NHSL1: variants seen among roughly 807,000 people sequenced by gnomAD.
NHSL1 encodes the protein NHS like 1.
In NHSL1, 48 loss-of-function variants were observed where a neutral mutation model predicts 95.0. That is an observed-to-expected ratio of 0.51 (90% CI 0.40 to 0.64). The LOEUF (loss-of-function observed/expected upper bound fraction) is 0.64. NHSL1 is among the 30% of genes least tolerant of loss of function. The pLI is 0.00. For missense variants in NHSL1, 1,971 were observed against 2,077.7 expected, an observed-to-expected ratio of 0.95 and a Z score of 1.00; for synonymous variants, 783 against 833.9, an observed-to-expected ratio of 0.94 and a Z score of 1.05.
At position 138,611,543 on chromosome 6, in the gene NHSL1, G is replaced by A. The variant is rs370307000; in HGVS notation, c.96+80933C>T. On this transcript the variant is annotated intron_variant, in intron 1 of 3. Transcript: ENST00000491526. Reference sequence around the variant, plus strand: ...AGGTGGATCACGAGGTCAGGAGATCGAGACCATCCTGGCTAACACAGTGAA... The same window carrying A: ...AGGTGGATCACGAGGTCAGGAGATCAAGACCATCCTGGCTAACACAGTGAA... 3.3e-5 allele frequency among the ~76,000 whole-genome samples: 5 copies of A among 151,626 alleles called. No homozygotes were observed. In the East Asian group the frequency reaches 5.9e-4, roughly 18 times the overall value.
intron 2 of NHSL1, among the ~76,000 whole-genome samples, chr6:138,484,328 CA>C (rs1779598670): frequency 6.6e-6 from 1 of 152,004 alleles, no homozygotes; most frequent in Non-Finnish European, 1.5e-5. Context: ...TTGAAATGGA[CA>C]GGTTTCTTTG....
chr6:138,648,691 C>T (rs1274513099), intron 1 of NHSL1, among the ~76,000 whole-genome samples: 1 of 152,196 alleles, frequency 6.6e-6, no homozygotes, highest in African/African-American at 2.4e-5. Context: ...AAAGAAGGGC[C>T]TACCCAATGG....
In NHSL1 at chr6:138,432,032, G is replaced by A. The variant is rs750503991; in HGVS notation, c.2313C>T (p.Ser771=). The A allele has an allele frequency of 2.3e-5, 35 of 1,551,586 alleles. 1 individual carries two copies. In the South Asian group the frequency reaches 3.1e-4, roughly 14 times the overall value. Residue 771 remains serine, a synonymous_variant, in exon 6 of 8, where the codon AGC becomes AGT. Coordinates refer to ENST00000343505, the MANE Select transcript of NHSL1 (RefSeq NM_001144060.2). The surrounding 1 kb of genome is among the most constrained non-coding windows in gnomAD (Gnocchi z 4.4). Reference sequence around the variant, plus strand: ...AGGGGTCCGTGTACTCTGACTTGACGCTGCTTGTGTCACTCTGCGATGGCG... The same window carrying A: ...AGGGGTCCGTGTACTCTGACTTGACACTGCTTGTGTCACTCTGCGATGGCG... ...GATPSQSDTS[S]VKSEYTDPWG...
intron 3 of NHSL1, among the ~76,000 whole-genome samples, chr6:138,454,740 T>C (rs1257339029): frequency 1.3e-5 from 2 of 152,282 alleles, no homozygotes; most frequent in African/African-American, 4.8e-5. Flanking sequence ...AAAAACTATG[T>C]GATCTTAGGC....
At chr6:138,490,281 C>T (rs1473450810) in intron 2 of NHSL1, among the ~76,000 whole-genome samples, 2 of 152,068 alleles carry the variant, frequency 1.3e-5, no homozygotes, top group East Asian at 3.9e-4. Flanking sequence ...GGAGAGCTCT[C>T]AATCAATGTC....
intron 1 of NHSL1, among the ~76,000 whole-genome samples, chr6:138,664,510 T>C (rs1785270254): frequency 6.6e-6 from 1 of 152,212 alleles, no homozygotes; most frequent in Non-Finnish European, 1.5e-5. Context: ...AGAGAGGAAT[T>C]GTCTGTCAAA....
At chr6:138,601,878 T>A (rs1583443389) in intron 1 of NHSL1, among the ~76,000 whole-genome samples, 2 of 152,172 alleles carry the variant, frequency 1.3e-5, no homozygotes, top group South Asian at 4.1e-4. Context: ...ATTTATTTAA[T>A]AACAAAAACA....
intron 1 of NHSL1, among the ~76,000 whole-genome samples, chr6:138,595,602 C>CT (rs1466667745): frequency 6.6e-6 from 1 of 152,118 alleles, no homozygotes; most frequent in African/African-American, 2.4e-5. Flanking sequence ...TATATTAAGT[C>CT]TTTTTTACAA....
intron 2 of NHSL1, among the ~76,000 whole-genome samples, chr6:138,476,746 T>C (rs991308332): frequency 6.6e-6 from 1 of 152,020 alleles, no homozygotes; most frequent in Admixed American, 6.6e-5. Flanking sequence ...GAGAATTGCT[T>C]GAACTTGGGA....
intron 1 of NHSL1, among the ~76,000 whole-genome samples, chr6:138,623,050 C>T (rs1311352325): frequency 1.3e-5 from 2 of 152,130 alleles, no homozygotes; most frequent in African/African-American, 4.8e-5. Flanking sequence ...GTTCAGAAAG[C>T]CACTTAGAAA....
intron 1 of NHSL1, among the ~76,000 whole-genome samples, chr6:138,578,328 C>T (rs1249547378): frequency 2.0e-5 from 3 of 152,222 alleles, no homozygotes; most frequent in African/African-American, 7.2e-5. Context: ...CAGATTATTG[C>T]TCTCAGTCCC....
chr6:138,495,165 C>T (rs1780275610), intron 2 of NHSL1, among the ~76,000 whole-genome samples: 1 of 152,130 alleles, frequency 6.6e-6, no homozygotes, highest in Admixed American at 6.5e-5. Context: ...ATGGCTCAAA[C>T]CTGGGAGGTG....
chr6:138,446,806 G>C (rs537527877), intron 4 of NHSL1, 195 bp downstream of exon 4: 1 of 580,590 alleles, frequency 1.7e-6, no homozygotes, highest in African/African-American at 1.9e-5. Context: ...CATAGTCTTC[G>C]AACCCAACAA....
chr6:138,608,514 T>A (rs922341616), intron 1 of NHSL1, among the ~76,000 whole-genome samples: 9 of 152,332 alleles, frequency 5.9e-5, no homozygotes, highest in African/African-American at 2.2e-4. Flanking sequence ...GCTTTCTCTA[T>A]AAAATAGGCA....
At chr6:138,484,424 T>C (rs965705350) in intron 2 of NHSL1, among the ~76,000 whole-genome samples, 10 of 152,124 alleles carry the variant, frequency 6.6e-5, no homozygotes, top group Non-Finnish European at 1.5e-4. Context: ...TGACTTCTCA[T>C]TTACAATGTA....
At chr6:138,548,334 G>A (rs1782882288), upstream of NHSL1, among the ~76,000 whole-genome samples, 1 of 152,126 alleles carries the variant, frequency 6.6e-6, no homozygotes, top group African/African-American at 2.4e-5. Flanking sequence ...AAGTATAGTG[G>A]ACTGAAAAGT....
intron 1 of NHSL1, among the ~76,000 whole-genome samples, chr6:138,519,675 G>A (rs1781595306): frequency 6.6e-6 from 1 of 152,140 alleles, no homozygotes; most frequent in Non-Finnish European, 1.5e-5. Flanking sequence ...TCTGGTGCTA[G>A]TTTCTTCTTG....
At chr6:138,589,365 C>T (rs1272390923) in intron 1 of NHSL1, among the ~76,000 whole-genome samples, 3 of 152,128 alleles carry the variant, frequency 2.0e-5, no homozygotes, top group Non-Finnish European at 4.4e-5. Flanking sequence ...CCTAGACAAC[C>T]AGAGCATGTG....
At chr6:138,527,413 T>C (rs891415852) in intron 1 of NHSL1, among the ~76,000 whole-genome samples, 1 of 152,238 alleles carries the variant, frequency 6.6e-6, no homozygotes, top group Non-Finnish European at 1.5e-5. Flanking sequence ...TCTCTTCTTT[T>C]TTTAATCTGA....
Sources: gnomAD v4.1 joint callset for allele counts (sites outside exome capture counted in the v4.1 genomes callset) on GRCh38, gnomAD v4.1.1 for gene constraint, Gnocchi (gnomAD v3.1) non-coding constraint, MANE v1.5 for transcripts, NCBI Gene and HGNC (gene_info 2026-07-23, HGNC 2026-07-21) for gene names.